Variants in SRGAP3 observed in about 807,000 individuals in gnomAD.
The protein encoded by SRGAP3 is SLIT-ROBO Rho GTPase activating protein 3, also known as SLIT-ROBO Rho GTPase-activating protein 3.
Under a neutral mutation model 121.1 loss-of-function variants are expected in SRGAP3, and 39 were observed. The ratio of observed to expected loss-of-function variants is 0.32; its 90% CI spans 0.25 to 0.42. The LOEUF is 0.42. Ranked by LOEUF, SRGAP3 falls within the 10% of genes least tolerant of loss-of-function variation. The pLI is 1.00. For missense variants in SRGAP3, 1,213 were observed against 1,470.6 expected (o/e 0.82, Z 2.86); for synonymous variants, 601 against 570.0 (o/e 1.05, Z -0.77).
intron 11 of SRGAP3, chr3:9,034,624 C>A (rs1033308360): frequency 2.6e-5 from 4 of 152,176 alleles, no homozygotes; most frequent in African/African-American, 9.7e-5. Context: ...CAGCACAGAT[C>A]AAAATTTTGA....
intron 3 of SRGAP3, among the ~76,000 whole-genome samples, chr3:9,284,441 C>A (rs1346248320): frequency 6.6e-6 from 1 of 152,206 alleles, no homozygotes; most frequent in Non-Finnish European, 1.5e-5. Context: ...ACCTTGCTGT[C>A]TAAGGTGCCA....
intron 1 of SRGAP3, chr3:9,217,267 T>A (rs1321229686): frequency 6.6e-6 from 1 of 152,196 alleles, no homozygotes; most frequent in Non-Finnish European, 1.5e-5. Context: ...ACCCCAGCCC[T>A]AAGGTCTAAA....
intron 1 of SRGAP3, among the ~76,000 whole-genome samples, chr3:9,139,762 A>G (rs1257270617): frequency 1.3e-5 from 2 of 152,254 alleles, no homozygotes; most frequent in African/African-American, 4.8e-5. Flanking sequence ...AGTACAGTCT[A>G]AAGCTCTGAA....
At chr3:9,021,962 T>C (rs1481735684) in intron 14 of SRGAP3, among the ~76,000 whole-genome samples, 1 of 152,104 alleles carries the variant, frequency 6.6e-6, no homozygotes, top group Non-Finnish European at 1.5e-5. Flanking sequence ...TAATCCCAGC[T>C]ACTTGGTGGA....
At chr3:9,130,277 A>T (rs1458283509) in intron 1 of SRGAP3, among the ~76,000 whole-genome samples, 1 of 152,180 alleles carries the variant, frequency 6.6e-6, no homozygotes, top group African/African-American at 2.4e-5. Context: ...CCAAGGCTTT[A>T]CGTAAACCAA....
In SRGAP3 at chr3:8,985,737, T is replaced by G; in HGVS notation, c.3082A>C (p.Ser1028Arg). ...ATCATCTCGGTGGAGGAGCTGCTGC[T>G]GCGGCGCATGGCGGCATCGGGGTCG... ...IRDPDAAMRR[S>R]SSSSTEMMTT... Residue 1028 changes from serine (S) to arginine (R), a missense_variant, in exon 22 of 22, where the codon AGC becomes CGC. Physicochemically the swap from Ser to Arg is moderately radical, Grantham distance 110. This residue lies in a region of SRGAP3 where 420 missense variants were observed against 437.7 expected (regional missense o/e 0.96). Coordinates refer to ENST00000383836, the MANE Select transcript of SRGAP3 (RefSeq NM_014850.4). The surrounding 1 kb of genome is among the most constrained non-coding windows in gnomAD (Gnocchi z 5.1). The G allele has an allele frequency of 6.3e-7, 1 of 1,598,306 alleles. No homozygotes were observed.
intron 18 of SRGAP3, among the ~76,000 whole-genome samples, chr3:8,996,574 G>A (rs1050903537): frequency 3.9e-5 from 6 of 152,240 alleles, no homozygotes; most frequent in Admixed American, 1.3e-4. Flanking sequence ...GAGGGAAGGA[G>A]GTGGGGAAAT....
chr3:8,985,672 G>A lies in SRGAP3; in HGVS notation c.3147C>T (p.Gly1049=), dbSNP rs370200042. 2 of 1,596,740 alleles carry A rather than the reference G, an allele frequency of 1.3e-6. No homozygotes were observed. The highest frequency in any genetic ancestry group is 1.3e-5 in the African/African-American group (1 of 74,820). The part of the protein sequence containing the change: ...FKPALSARLA[G]AQLRPPPMRP... ...GCATGGGGGGCGGGCGGAGCTGGGCGCCAGCCAGGCGGGCGGACAGGGCTG... is the reference window on the plus strand; with the variant it reads ...GCATGGGGGGCGGGCGGAGCTGGGCACCAGCCAGGCGGGCGGACAGGGCTG... Residue 1049 remains glycine, a synonymous_variant, in exon 22 of 22, where the codon GGC becomes GGT. Coordinates refer to ENST00000383836, the MANE Select transcript of SRGAP3 (RefSeq NM_014850.4). This position sits in a 1 kb window ranked among gnomAD's most constrained non-coding sequence, Gnocchi z 5.1.
intron 1 of SRGAP3, among the ~76,000 whole-genome samples, chr3:9,142,260 GTATGAT>G (rs757857005): frequency 1.3e-5 from 2 of 152,100 alleles, no homozygotes; most frequent in Non-Finnish European, 2.9e-5. Context: ...TTTTTCCTTG[GTATGAT>G]TATTATTACT....
chr3:9,035,085 G>A (rs138119383), intron 11 of SRGAP3: 28 of 151,750 alleles, frequency 1.8e-4, no homozygotes, highest in African/African-American at 6.5e-4. Flanking sequence ...TGAGGCTGGT[G>A]GTAAAATTCA....
At chr3:9,238,638 A>T (rs1208959330) in intron 1 of SRGAP3, among the ~76,000 whole-genome samples, 1 of 152,148 alleles carries the variant, frequency 6.6e-6, no homozygotes, top group Admixed American at 6.5e-5. Context: ...GGGGAGGGAG[A>T]TGATGAGGCA....
chr3:9,075,225 G>T (rs1349247858), intron 4 of SRGAP3, among the ~76,000 whole-genome samples: 1 of 151,790 alleles, frequency 6.6e-6, no homozygotes, highest in Non-Finnish European at 1.5e-5. Flanking sequence ...GAACTATATT[G>T]TGTTGGGCTG....
At chr3:9,136,846 T>C (rs2125021234) in intron 1 of SRGAP3, among the ~76,000 whole-genome samples, 1 of 152,260 alleles carries the variant, frequency 6.6e-6, no homozygotes, top group East Asian at 1.9e-4. Context: ...AATAGGCCTT[T>C]TGGGTTCTGC....
intron 8 of SRGAP3, 56 bp from the exon 9 acceptor site, chr3:9,053,280 C>T (rs552626371): frequency 4.9e-5 from 75 of 1,538,064 alleles, no homozygotes; most frequent in South Asian, 4.5e-4. Flanking sequence ...GCCGTTGACA[C>T]CTAAAGTCCC....
At chr3:9,162,714 C>T (rs1950639108) in intron 1 of SRGAP3, among the ~76,000 whole-genome samples, 2 of 152,238 alleles carry the variant, frequency 1.3e-5, no homozygotes, top group African/African-American at 4.8e-5. Flanking sequence ...AGCATGAGCT[C>T]TTAGAGCCCA....
chr3:9,279,866 G>A (rs575568371), intron 3 of SRGAP3, among the ~76,000 whole-genome samples: 45 of 152,274 alleles, frequency 3.0e-4, no homozygotes, highest in Non-Finnish European at 5.4e-4. Flanking sequence ...GCAGTAAGGT[G>A]GCAGACCCCA....
intron 11 of SRGAP3, chr3:9,036,712 A>C (rs1336514578): frequency 6.6e-6 from 1 of 152,230 alleles, no homozygotes; most frequent in Non-Finnish European, 1.5e-5. Context: ...TCTAGGAATT[A>C]GGAGGAAGTG....
intron 1 of SRGAP3, among the ~76,000 whole-genome samples, chr3:9,346,553 G>T (rs970365594): frequency 6.6e-6 from 1 of 151,930 alleles, no homozygotes; most frequent in African/African-American, 2.4e-5. Context: ...TATATCTTGG[G>T]GTCTTTTGAC....
intron 3 of SRGAP3, among the ~76,000 whole-genome samples, chr3:9,300,227 C>A (rs1955033959): frequency 4.8e-4 from 1 of 2,084 alleles, no homozygotes; most frequent in African/African-American, 1.5e-3. Context: ...CTTGTGCTGC[C>A]TGACTCTCCA....
Sources: gnomAD v4.1 joint callset for allele counts (sites outside exome capture counted in the v4.1 genomes callset) on GRCh38, gnomAD v4.1.1 for gene constraint, gnomAD v4.1.1 regional missense constraint, Gnocchi (gnomAD v3.1) non-coding constraint, MANE v1.5 for transcripts, NCBI Gene and HGNC (gene_info 2026-07-23, HGNC 2026-07-21) for gene names.